The following MCF2L variants were observed in gnomAD, a reference collection of about 807,000 sequenced individuals.
The protein encoded by MCF2L is MCF.2 cell line derived transforming sequence like.
MCF2L carries 97 observed loss-of-function variants against 153.4 expected under a neutral mutation model. The ratio of observed to expected loss-of-function variants is 0.63; its 90% CI spans 0.54 to 0.75. MCF2L has a LOEUF of 0.75. Ranked by LOEUF, MCF2L falls within the 30% of genes least tolerant of loss-of-function variation. The pLI is 0.00. For missense variants in MCF2L, 1,347 were observed against 1,495.2 expected (o/e 0.90, Z 1.64); for synonymous variants, 659 against 632.2 (o/e 1.04, Z -0.64).
chr13:112,894,941 G>T (rs992109539), intron 1 of MCF2L, among the ~76,000 whole-genome samples: 6 of 102,216 alleles, frequency 5.9e-5, no homozygotes, highest in African/African-American at 1.9e-4. Flanking sequence ...TGGTGGCTGG[G>T]GACAGTGCTG....
chr13:113,003,590 C>G (rs995084113), intron 1 of MCF2L, among the ~76,000 whole-genome samples: 1 of 152,148 alleles, frequency 6.6e-6, no homozygotes, highest in Non-Finnish European at 1.5e-5. Flanking sequence ...TCCTGCAGTT[C>G]CCTCCTGAAG....
At chr13:113,096,179 C>A in intron 27 of MCF2L, 192 bp from the exon 28 acceptor site, 1 of 601,702 alleles carries the variant, frequency 1.7e-6, no homozygotes, top group Non-Finnish European at 2.9e-6. Flanking sequence ...CAGACGCCTT[C>A]CATCGCCGCT....
chr13:113,056,266 GTGTT>G (rs1322295032), intron 4 of MCF2L, among the ~76,000 whole-genome samples: 7 of 150,748 alleles, frequency 4.6e-5, no homozygotes, highest in Non-Finnish European at 7.5e-5. Flanking sequence ...TGGGTGCTGA[GTGTT>G]TGGGTGCTGT....
At chr13:112,992,819 A>G (rs2082945111) in intron 1 of MCF2L, among the ~76,000 whole-genome samples, 1 of 152,258 alleles carries the variant, frequency 6.6e-6, no homozygotes, top group South Asian at 2.1e-4. Flanking sequence ...GGGAACACTG[A>G]AAAGTTCACC....
intron 2 of MCF2L, among the ~76,000 whole-genome samples, chr13:113,015,262 G>A (rs2084432205): frequency 2.0e-5 from 3 of 152,256 alleles, no homozygotes; most frequent in South Asian, 4.1e-4. Flanking sequence ...ACCTGTGGAG[G>A]TGGTGCCTGC....
At chr13:113,078,086 G>A (rs1255166711) in intron 13 of MCF2L, among the ~76,000 whole-genome samples, 1 of 134,722 alleles carries the variant, frequency 7.4e-6, no homozygotes, top group Non-Finnish European at 1.6e-5. Context: ...TCCTGCCCAC[G>A]CCACCACCTG....
chr13:113,088,855 G>T (rs956722036), intron 25 of MCF2L, among the ~76,000 whole-genome samples: 1 of 152,238 alleles, frequency 6.6e-6, no homozygotes, highest in African/African-American at 2.4e-5. Context: ...GGGGTGGGCT[G>T]TTCCACAGCA....
rs530444144 is a variant in MCF2L at position 112,955,713 on chromosome 13, A to G, written c.169+53342A>G. Among the ~76,000 whole-genome samples the G allele has an allele frequency of 9.2e-5, 14 of 152,260 alleles. No homozygotes were observed. The South Asian group carries it at 2.9e-3, about 32-fold the overall frequency. Reference sequence around the variant, plus strand: ...GGAGGCTGTTTCCATTCCCCAAAAGAGCCCCTGCGCTCAGCATTTTGTGAG... The same window carrying G: ...GGAGGCTGTTTCCATTCCCCAAAAGGGCCCCTGCGCTCAGCATTTTGTGAG... On this transcript the variant is annotated intron_variant, in intron 2 of 29. Transcript: ENST00000375608.
At position 113,074,312 on chromosome 13, in the gene MCF2L, G is replaced by A. The variant is rs61966396; in HGVS notation, c.997-132G>A. ...CCGACTTTGCACCTGTCTGACTGTGGTCCCTGCTTGATTGATGACCACTTG... is the reference window on the plus strand; with the variant it reads ...CCGACTTTGCACCTGTCTGACTGTGATCCCTGCTTGATTGATGACCACTTG... On this transcript the variant is annotated intron_variant, in intron 9 of 29. Transcript: ENST00000535094. This position sits in a 1 kb window ranked among gnomAD's most constrained non-coding sequence, Gnocchi z 4.2. 3 of 1,163,270 alleles carry A rather than the reference G, an allele frequency of 2.6e-6. No individual in the cohort carries two copies. Among genetic ancestry groups the A allele is most frequent in the Non-Finnish European group, 3.7e-6 (3 of 803,858 alleles). The allele number at this position is 1,163,270 out of a possible 1,614,324, so 72.1% of individuals were successfully genotyped here.
chr13:112,918,148 G>C (rs773572913), intron 2 of MCF2L, among the ~76,000 whole-genome samples: 1 of 152,194 alleles, frequency 6.6e-6, no homozygotes, highest in Non-Finnish European at 1.5e-5. Flanking sequence ...CCTAGCAATC[G>C]CAAATTAAGG....
chr13:112,922,072 A>G (rs2081358251), intron 2 of MCF2L, among the ~76,000 whole-genome samples: 5 of 152,218 alleles, frequency 3.3e-5, no homozygotes, highest in Admixed American at 2.6e-4. Context: ...GAATGGAGGA[A>G]AAGTCCAGAG....
intron 1 of MCF2L, among the ~76,000 whole-genome samples, chr13:112,972,910 G>A (rs970405480): frequency 6.6e-6 from 1 of 150,874 alleles, no homozygotes; most frequent in East Asian, 2.0e-4. Flanking sequence ...TTCCTGGGAA[G>A]GGCCTGTGGC....
rs1324353181 is a variant in MCF2L at position 113,082,535 on chromosome 13, C to T, written c.1984C>T (p.His662Tyr). 6.2e-6 allele frequency: 10 copies of T among 1,609,390 alleles called. No individual in the cohort carries two copies. The highest frequency in any genetic ancestry group is 8.5e-6 in the Non-Finnish European group (10 of 1,175,956). ...FGNMEEIYHF[H>Y]NRIFLRELEN... ...AAACATGGAGGAAATCTATCACTTC[C>T]ACAACAGGTGGGCCCTTCCCCCCGA... The change falls in exon 17 of 30, where the codon CAC (histidine) becomes TAC (tyrosine). Residue 662 changes from histidine (H) to tyrosine (Y), a missense_variant. By Grantham distance (83) the His-to-Tyr change is moderately conservative (BLOSUM62 2). Transcript: ENST00000535094.
chr13:113,017,719 C>T (rs561317825), intron 2 of MCF2L, among the ~76,000 whole-genome samples: 12 of 152,238 alleles, frequency 7.9e-5, no homozygotes, highest in South Asian at 4.1e-4. Context: ...CAGACTCCCC[C>T]GCCCGCCACT....
intron 3 of MCF2L, among the ~76,000 whole-genome samples, chr13:113,029,402 G>A (rs1033305783): frequency 4.6e-5 from 7 of 152,218 alleles, no homozygotes; most frequent in Non-Finnish European, 7.3e-5. Context: ...GGGCATCTAC[G>A]GGATGCCTTC....
intron 2 of MCF2L, among the ~76,000 whole-genome samples, chr13:113,019,369 C>A (rs1205393881): frequency 6.6e-6 from 1 of 152,208 alleles, no homozygotes; most frequent in Non-Finnish European, 1.5e-5. Flanking sequence ...GCTGCTCCAA[C>A]CTGGGAGGAC....
chr13:112,916,562 T>C (rs1016711591), intron 2 of MCF2L, among the ~76,000 whole-genome samples: 2 of 152,180 alleles, frequency 1.3e-5, no homozygotes, highest in African/African-American at 4.8e-5. Flanking sequence ...CCGTGTCCTC[T>C]GACTTCCTTG....
Position 112,904,390 on chromosome 13 carries a change from C to T in MCF2L, c.169+2019C>T, listed in dbSNP as rs2081151018. 6.6e-6 allele frequency among the ~76,000 whole-genome samples: 1 copy of T among 152,128 alleles called. No homozygotes were observed. The highest frequency in any genetic ancestry group is 2.4e-5 in the African/African-American group (1 of 41,410). ...TGGCTTTGTTCCTGCCCCTGCTGACCCCACAAGCTTGGGTGGGTTGAGAAG... is the reference window on the plus strand; with the variant it reads ...TGGCTTTGTTCCTGCCCCTGCTGACTCCACAAGCTTGGGTGGGTTGAGAAG... On this transcript the variant is annotated intron_variant, in intron 2 of 29. Coordinates refer to the MCF2L transcript ENST00000375608. This position sits in a 1 kb window ranked among gnomAD's most constrained non-coding sequence, Gnocchi z 4.2.
At chr13:113,095,892 C>A in intron 27 of MCF2L, 1 of 707,574 alleles carries the variant, frequency 1.4e-6, no homozygotes, top group Non-Finnish European at 1.8e-6. Flanking sequence ...AAAGCGGGAA[C>A]AGCACAGACA....
Sources: allele counts gnomAD v4.1 joint callset (sites outside exome capture counted in the v4.1 genomes callset), GRCh38; gene constraint gnomAD v4.1.1; non-coding constraint Gnocchi (gnomAD v3.1); transcripts MANE v1.5; gene names NCBI Gene and HGNC (gene_info 2026-07-23, HGNC 2026-07-21).